The following MACC1 variants were observed in gnomAD, a reference collection of about 807,000 sequenced individuals.
MACC1 encodes MET transcriptional regulator MACC1, also known as metastasis-associated in colon cancer protein 1.
MACC1 carries 79 observed loss-of-function variants against 70.7 expected under a neutral mutation model. That is an observed-to-expected ratio of 1.12 (90% CI 0.93 to 1.35). The LOEUF is 1.35. Ranked by LOEUF, MACC1 falls within the 40% of genes most tolerant of loss-of-function variation. The pLI is 0.00. For missense variants in MACC1, 1,106 were observed against 978.1 expected (o/e 1.13, Z -1.74); for synonymous variants, 361 against 347.2 (o/e 1.04, Z -0.44).
chr7:20,186,230 G>A (rs901731947), intron 1 of MACC1, among the ~76,000 whole-genome samples: 10 of 152,064 alleles, frequency 6.6e-5, no homozygotes, highest in Admixed American at 2.0e-4. Flanking sequence ...TGATTGTTAT[G>A]AGGTGAAAGG....
intron 1 of MACC1, among the ~76,000 whole-genome samples, chr7:20,176,732 T>C (rs1319145222): frequency 6.6e-6 from 1 of 152,134 alleles, no homozygotes; most frequent in Non-Finnish European, 1.5e-5. Context: ...TACCGTGAAA[T>C]ATTACTCAAC....
chr7:20,188,227 G>A (rs1295267575), intron 1 of MACC1, among the ~76,000 whole-genome samples: 1 of 152,102 alleles, frequency 6.6e-6, no homozygotes, highest in Non-Finnish European at 1.5e-5. Flanking sequence ...ATTTGGGTGG[G>A]GACACAGAGC....
intron 3 of MACC1, among the ~76,000 whole-genome samples, chr7:20,162,395 T>C (rs1355484327): frequency 6.6e-6 from 1 of 152,190 alleles, no homozygotes; most frequent in Non-Finnish European, 1.5e-5. Context: ...CATATTGTTT[T>C]GAAGCATGTT....
At chr7:20,158,063 A>G (rs1197687710) in intron 5 of MACC1, 141 bp downstream of exon 5, 3 of 974,954 alleles carry the variant, frequency 3.1e-6, no homozygotes, top group East Asian at 2.7e-5. Context: ...AGGAAAAACT[A>G]TATTTGCTAT....
At chr7:20,152,064 T>C (rs1037793469) in intron 6 of MACC1, among the ~76,000 whole-genome samples, 2 of 152,178 alleles carry the variant, frequency 1.3e-5, no homozygotes, top group African/African-American at 4.8e-5. Context: ...TTGTAATATT[T>C]CCAGAACAGT....
chr7:20,216,762 A>C (rs1783076991), intron 1 of MACC1, among the ~76,000 whole-genome samples: 1 of 152,184 alleles, frequency 6.6e-6, no homozygotes, highest in Non-Finnish European at 1.5e-5. Context: ...TCTTTTATTC[A>C]TAATTTAATG....
In MACC1 at chr7:20,140,981, T is replaced by G; in HGVS notation, c.2524A>C (p.Arg842=). ...TCAGAAGTGGAGAATGCAGTTACTC[T>G]CAAAACCTCCAAAGAATTTACTAGT... ...LILVNSLEVL[R]VTAFSTSEEV The change falls in exon 7 of 7, where the codon AGA becomes CGA. Residue 842 remains arginine, a synonymous_variant. Transcript: ENST00000400331. The G allele has an allele frequency of 6.2e-7, 1 of 1,613,794 alleles. No individual in the cohort carries two copies. Among genetic ancestry groups the G allele is most frequent in the Non-Finnish European group, 8.5e-7 (1 of 1,179,830 alleles).
At chr7:20,153,844 C>T (rs1216401050) in intron 6 of MACC1, among the ~76,000 whole-genome samples, 1 of 152,106 alleles carries the variant, frequency 6.6e-6, no homozygotes, top group Non-Finnish European at 1.5e-5. Context: ...CTCTATTGTC[C>T]TGACTTGATC....
chr7:20,187,175 C>G (rs1782601747), intron 1 of MACC1, among the ~76,000 whole-genome samples: 1 of 151,942 alleles, frequency 6.6e-6, no homozygotes, highest in Non-Finnish European at 1.5e-5. Flanking sequence ...TTTTGTTTTA[C>G]TTTTCTATAT....
intron 1 of MACC1, among the ~76,000 whole-genome samples, chr7:20,183,460 A>G (rs571328580): frequency 6.6e-6 from 1 of 152,200 alleles, no homozygotes; most frequent in Non-Finnish European, 1.5e-5. Context: ...CCTTCAGCAG[A>G]GGGCCAAGCT....
Position 20,164,296 on chromosome 7 carries a change from C to T in MACC1, c.-49G>A, listed in dbSNP as rs553077054. 4 of 152,282 alleles carry T rather than the reference C, an allele frequency of 2.6e-5. No homozygotes were observed. Among genetic ancestry groups the T allele is most frequent in the African/African-American group, 9.6e-5 (4 of 41,574 alleles). 9.4% of individuals were successfully genotyped at this position (152,282 alleles called of 1,614,324 possible). A position where few individuals can be genotyped will look rare whatever the true frequency, so the allele number is the denominator to read the frequency against. On this transcript the variant is annotated 5_prime_UTR_variant, in exon 3 of 7. It adds an upstream start codon to the 5' untranslated region. Coordinates refer to ENST00000400331, the MANE Select transcript of MACC1 (RefSeq NM_182762.4). Reference sequence around the variant, plus strand: ...GTGTGTGTTGACCACATCTCGTTCACCTGTGACCCCTCCTTCTTTATTGTT... The same window carrying T: ...GTGTGTGTTGACCACATCTCGTTCATCTGTGACCCCTCCTTCTTTATTGTT...
At chr7:20,163,567 T>C (rs980239708) in intron 3 of MACC1, among the ~76,000 whole-genome samples, 2 of 152,234 alleles carry the variant, frequency 1.3e-5, no homozygotes, top group African/African-American at 4.8e-5. Flanking sequence ...ATTAACACAA[T>C]GAAGTATCAT....
chr7:20,144,404 A>G lies in MACC1; in HGVS notation c.2347-3246T>C, dbSNP rs75268613. 5.1e-3 allele frequency among the ~76,000 whole-genome samples: 770 copies of G among 152,302 alleles called. 5 individuals are homozygous for G. The highest frequency in any genetic ancestry group is 0.018 in the African/African-American group (740 of 41,574). On this transcript the variant is annotated intron_variant, in intron 6 of 6. Transcript: ENST00000400331. ...GTTGTATTCACTGATGCTATAATGG[A>G]AAGAAAGATAGGTTTGGGTGGCAGA...
intron 1 of MACC1, among the ~76,000 whole-genome samples, chr7:20,204,500 T>C (rs1256743140): frequency 2.0e-5 from 3 of 152,182 alleles, no homozygotes; most frequent in Non-Finnish European, 4.4e-5. Flanking sequence ...ATTTGGCATA[T>C]CTCAAACATT....
intron 6 of MACC1, chr7:20,153,278 T>C (rs1050998408): frequency 6.6e-6 from 1 of 152,202 alleles, no homozygotes; most frequent in African/African-American, 2.4e-5. Context: ...TTTTGTCCTG[T>C]TCACCCAACT....
chr7:20,172,589 T>G (rs549298899), intron 1 of MACC1, among the ~76,000 whole-genome samples: 1 of 152,350 alleles, frequency 6.6e-6, no homozygotes, highest in South Asian at 2.1e-4. Context: ...TACTTTCAGG[T>G]GTTAAATTCT....
intron 1 of MACC1, among the ~76,000 whole-genome samples, chr7:20,176,037 G>A (rs1782387973): frequency 6.6e-6 from 1 of 151,994 alleles, no homozygotes; most frequent in Non-Finnish European, 1.5e-5. Flanking sequence ...ATGCTGTGGT[G>A]CCCATTTCAT....
At chr7:20,177,377 T>C (rs1019448889) in intron 1 of MACC1, among the ~76,000 whole-genome samples, 1 of 152,152 alleles carries the variant, frequency 6.6e-6, no homozygotes, top group South Asian at 2.1e-4. Flanking sequence ...AAGTTTCTGT[T>C]GATGTGATAA....
chr7:20,153,905 C>A (rs1782017045), intron 6 of MACC1, among the ~76,000 whole-genome samples: 1 of 152,172 alleles, frequency 6.6e-6, no homozygotes, highest in Admixed American at 6.6e-5. Context: ...GTTCTTATAG[C>A]CATCCCCACT....
Sources: gnomAD v4.1 joint callset for allele counts (sites outside exome capture counted in the v4.1 genomes callset) on GRCh38, gnomAD v4.1.1 for gene constraint, MANE v1.5 for transcripts, NCBI Gene and HGNC (gene_info 2026-07-23, HGNC 2026-07-21) for gene names.